The following CDK14 variants were observed in gnomAD, a reference collection of about 807,000 sequenced individuals.
CDK14 encodes cyclin dependent kinase 14, also known as cyclin-dependent kinase 14.
CDK14 carries 34 observed loss-of-function variants against 60.7 expected under a neutral mutation model. The ratio of observed to expected loss-of-function variants is 0.56; its 90% CI spans 0.43 to 0.75. The LOEUF (loss-of-function observed/expected upper bound fraction) is 0.75, where lower values mean the gene tolerates loss of function less well. Among genes scored for constraint, CDK14 ranks in the 30% least tolerant of loss-of-function variants. CDK14 has a pLI of 0.00. For synonymous variants in CDK14, 197 were observed against 203.7 expected (o/e 0.97, Z 0.28); for missense variants, 482 against 564.1 (o/e 0.85, Z 1.47).
At chr7:90,824,102 A>G (rs1438242952) in intron 5 of CDK14, among the ~76,000 whole-genome samples, 1 of 152,238 alleles carries the variant, frequency 6.6e-6, no homozygotes, top group African/African-American at 2.4e-5. Context: ...AGGAACGGTT[A>G]TATTAACAGA....
chr7:91,047,334 A>G (rs1797268942), intron 11 of CDK14, among the ~76,000 whole-genome samples: 1 of 152,248 alleles, frequency 6.6e-6, no homozygotes, highest in Non-Finnish European at 1.5e-5. Context: ...TAGTTTCTGG[A>G]TTAGAAAACA....
chr7:90,943,856 C>G (rs1794012737), intron 8 of CDK14, among the ~76,000 whole-genome samples: 1 of 152,074 alleles, frequency 6.6e-6, no homozygotes, highest in Non-Finnish European at 1.5e-5. Context: ...TGAGTGTTTC[C>G]CCCAGAATAT....
Position 90,604,220 on chromosome 7 carries a change from T to C in CDK14, c.94T>C (p.Leu32=). The change falls in exon 2 of 15, where the codon TTG becomes CTG. Residue 32 remains leucine, a splice_region_variant and synonymous_variant. Transcript: ENST00000380050. ...TLSESFSRIA[L]KKDDTTFDEI... ...TCCTTTTCCTTCTTATTTTATAGCT[T>C]TGAAGAAAGATGACACCACCTTTGA... The C allele has an allele frequency of 6.5e-7, 1 of 1,539,010 alleles. No individual in the cohort carries two copies. Among genetic ancestry groups the C allele is most frequent in the Non-Finnish European group, 8.8e-7 (1 of 1,134,032 alleles).
chr7:90,700,500 A>G (rs563609402), intron 2 of CDK14, among the ~76,000 whole-genome samples: 56 of 152,276 alleles, frequency 3.7e-4, no homozygotes, highest in Non-Finnish European at 7.1e-4. Context: ...GAGGGGAGAA[A>G]AGAACCTTTA....
At chr7:91,157,913 T>TA (rs1801032525) in intron 14 of CDK14, among the ~76,000 whole-genome samples, 1 of 152,032 alleles carries the variant, frequency 6.6e-6, no homozygotes, top group Non-Finnish European at 1.5e-5. Context: ...CTTGGTCAAA[T>TA]ACCCTGGTCT....
At chr7:90,670,706 A>C (rs1801078437) in intron 2 of CDK14, among the ~76,000 whole-genome samples, 1 of 152,096 alleles carries the variant, frequency 6.6e-6, no homozygotes, top group Non-Finnish European at 1.5e-5. Context: ...GTGAGAACTC[A>C]CTGTCATGAG....
intron 5 of CDK14, among the ~76,000 whole-genome samples, chr7:90,845,095 G>A (rs1334826880): frequency 6.6e-6 from 1 of 152,094 alleles, no homozygotes; most frequent in Non-Finnish European, 1.5e-5. Flanking sequence ...TAAACATCAG[G>A]TGGGCAGGAT....
intron 8 of CDK14, among the ~76,000 whole-genome samples, chr7:90,925,300 C>T (rs890522757): frequency 1.3e-5 from 2 of 151,996 alleles, no homozygotes; most frequent in African/African-American, 2.4e-5. Context: ...AAACAATGAC[C>T]GGCTAATATT....
intron 10 of CDK14, among the ~76,000 whole-genome samples, chr7:91,008,541 A>T (rs1271695382): frequency 6.6e-6 from 1 of 151,948 alleles, no homozygotes; most frequent in South Asian, 2.1e-4. Context: ...CCAAATGCCT[A>T]TTATTTGGCA....
chr7:90,793,672 A>G (rs541628910), intron 5 of CDK14, among the ~76,000 whole-genome samples: 1 of 152,206 alleles, frequency 6.6e-6, no homozygotes, highest in South Asian at 2.1e-4. Flanking sequence ...TAATTGAACA[A>G]TGCAACCATG....
chr7:91,111,142 A>G (rs964928020), intron 12 of CDK14, among the ~76,000 whole-genome samples: 2 of 152,168 alleles, frequency 1.3e-5, no homozygotes, highest in Non-Finnish European at 2.9e-5. Flanking sequence ...GCCTTCACAT[A>G]ACAAGATGTA....
Position 91,112,660 on chromosome 7 carries a change from C to T in CDK14, c.1273C>T (p.Arg425Trp), listed in dbSNP as rs140184613. The T allele has an allele frequency of 1.9e-5, 30 of 1,613,628 alleles. No homozygotes were observed. Among genetic ancestry groups the T allele is most frequent in the Admixed American group, 6.7e-5 (4 of 59,966 alleles). ...CGAGTATTTTAGTGACCTGCCGCCACGGCTATGGGAACTCACCGACAGTGA... is the reference window on the plus strand; with the variant it reads ...CGAGTATTTTAGTGACCTGCCGCCATGGCTATGGGAACTCACCGACAGTGA... ...SHEYFSDLPP[R>W]LWELTDMSSI... Residue 425 changes from arginine (R) to tryptophan (W), a missense_variant, in exon 13 of 15, where the codon CGG becomes TGG. By Grantham distance (101) the Arg-to-Trp change is moderately radical. Coordinates refer to ENST00000380050, the MANE Select transcript of CDK14 (RefSeq NM_001287135.2).
chr7:90,913,664 G>C (rs1449785947), intron 7 of CDK14, among the ~76,000 whole-genome samples: 1 of 152,164 alleles, frequency 6.6e-6, no homozygotes. Context: ...TACGTCTGTT[G>C]GGCCTGCAGA....
At position 91,206,741 on chromosome 7, in the gene CDK14, C is replaced by T. The variant is rs145906177; in HGVS notation, c.*29-424C>T. 4.2e-4 allele frequency among the ~76,000 whole-genome samples: 64 copies of T among 152,080 alleles called. 1 individual carries two copies. In the East Asian group the frequency reaches 9.5e-3, roughly 22 times the overall value. ...ATATACAGCTGAATTTTTTTAAAAG[C>T]GTGTTTGTGATCCGTTTTTCTATTT... is the stretch of plus-strand genomic sequence containing the variant. On this transcript the variant is annotated intron_variant, in intron 14 of 14. Transcript: ENST00000380050.
rs188306286 is a variant in CDK14, at chr7:90,851,021, A to G, written c.545-12154A>G. Among the ~76,000 whole-genome samples the G allele has an allele frequency of 6.6e-5, 10 of 152,294 alleles. No homozygotes were observed. In the East Asian group the frequency reaches 1.9e-3, roughly 29 times the overall value. On this transcript the variant is annotated intron_variant, in intron 5 of 14. Transcript: ENST00000380050. ...CCAACACCTGGAAGGATATGAAGAT[A>G]AAGGGAAACCATGACCACAGCAAAA... is the stretch of plus-strand genomic sequence containing the variant.
At chr7:90,804,200 C>T (rs905978681) in intron 5 of CDK14, among the ~76,000 whole-genome samples, 6 of 152,158 alleles carry the variant, frequency 3.9e-5, no homozygotes, top group African/African-American at 1.4e-4. Flanking sequence ...GTGCCCCTAG[C>T]TATGTGATCA....
intron 10 of CDK14, among the ~76,000 whole-genome samples, chr7:91,041,491 AG>A (rs1797089827): frequency 3.3e-5 from 5 of 152,188 alleles, no homozygotes; most frequent in Admixed American, 3.3e-4. Context: ...TCTTGATTTC[AG>A]CTAATAACTT....
rs17163293 is a variant in CDK14, at chr7:90,850,107, T to C, written c.545-13068T>C. On this transcript the variant is annotated intron_variant, in intron 5 of 14. Transcript: ENST00000380050. ...CCTATAGGATATTTCTTTGCTTCTTTTTAAAATTCTGTGACATCTATAATC... is the reference window on the plus strand; with the variant it reads ...CCTATAGGATATTTCTTTGCTTCTTCTTAAAATTCTGTGACATCTATAATC... 0.017 allele frequency among the ~76,000 whole-genome samples: 2,554 copies of C among 152,114 alleles called. 151 individuals are homozygous for C. In the East Asian group the frequency reaches 0.18, roughly 11 times the overall value.
At chr7:90,803,349 G>C (rs1191313215) in intron 5 of CDK14, among the ~76,000 whole-genome samples, 1 of 152,064 alleles carries the variant, frequency 6.6e-6, no homozygotes, top group Non-Finnish European at 1.5e-5. Context: ...AGACAAAAAG[G>C]CACCCAAATA....
Sources: allele counts gnomAD v4.1 joint callset (sites outside exome capture counted in the v4.1 genomes callset), GRCh38; gene constraint gnomAD v4.1.1; transcripts MANE v1.5; gene names NCBI Gene and HGNC (gene_info 2026-07-23, HGNC 2026-07-21).